Variants in NRROS observed in about 807,000 individuals in gnomAD.
The protein encoded by NRROS is negative regulator of reactive oxygen species, also known as transforming growth factor beta activator LRRC33.
A neutral mutation model predicts 12.0 loss-of-function variants in NRROS; 6 were observed. That is an observed-to-expected ratio of 0.50 (90% CI 0.27 to 0.98). The LOEUF is 0.98. Among genes scored for constraint, NRROS ranks in the 50% least tolerant of loss-of-function variants. NRROS has a pLI of 0.11. For synonymous variants in NRROS, 462 were observed against 410.2 expected, an observed-to-expected ratio of 1.13 and a Z score of -1.53; for missense variants, 857 against 888.2, an observed-to-expected ratio of 0.96 and a Z score of 0.45.
intron 1 of NRROS, among the ~76,000 whole-genome samples, chr3:196,647,907 G>A (rs1737342479): frequency 2.6e-5 from 4 of 152,172 alleles, no homozygotes; most frequent in African/African-American, 7.2e-5. Flanking sequence ...TCTCTATGTT[G>A]GCCAGGCTGG....
rs756252662 is a variant in NRROS, at chr3:196,654,701, G to C, written c.108+54G>C. The stretch of plus-strand genomic sequence containing the variant: ...GGCTGCTCCTGTCCTGACAAGGCTT[G>C]GTCCATTTGGAAAGCTGACAGATTG... On this transcript the variant is annotated intron_variant, in intron 2 of 2. Coordinates refer to ENST00000328557, the MANE Select transcript of NRROS (RefSeq NM_198565.3). This position sits in a 1 kb window ranked among gnomAD's most constrained non-coding sequence, Gnocchi z 4.4. 5 of 1,122,326 alleles carry C rather than the reference G, an allele frequency of 4.5e-6. No individual in the cohort carries two copies. The African/African-American group carries it at 7.7e-5, about 17-fold the overall frequency. 69.5% of individuals were successfully genotyped at this position (1,122,326 alleles called of 1,614,324 possible).
intron 2 of NRROS, among the ~76,000 whole-genome samples, chr3:196,656,051 G>A (rs1737532066): frequency 6.6e-6 from 1 of 152,074 alleles, no homozygotes; most frequent in Admixed American, 6.6e-5. Flanking sequence ...CATGCTTGTA[G>A]TCCCAGCTAC....
In NRROS at chr3:196,660,522, C is replaced by G. The variant is rs887445431; in HGVS notation, c.879C>G (p.Thr293=). Residue 293 remains threonine, a synonymous_variant, in exon 3 of 3, where the codon ACC becomes ACG. Transcript: ENST00000328557. The surrounding 1 kb of genome is among the most constrained non-coding windows in gnomAD (Gnocchi z 7.7). ...NMGFYRDLYN[T]SSPREMVAQF... ...GCTTCTACCGGGACCTGTACAACAC[C>G]TCGTCGCCGAGGGAGATGGTGGCCC... The G allele has an allele frequency of 1.9e-5, 30 of 1,614,196 alleles. No individual in the cohort carries two copies. Among genetic ancestry groups the G allele is most frequent in the Non-Finnish European group, 2.4e-5 (28 of 1,180,040 alleles).
chr3:196,645,908 C>A (rs760136170), intron 1 of NRROS, among the ~76,000 whole-genome samples: 1 of 152,214 alleles, frequency 6.6e-6, no homozygotes, highest in Non-Finnish European at 1.5e-5. Context: ...TCCCTCAACA[C>A]CAGCTTGCTG....
At chr3:196,648,766 CAA>C (rs34359599) in intron 1 of NRROS, among the ~76,000 whole-genome samples, 7,733 of 74,594 alleles carry the variant, frequency 0.1, 199 homozygotes, top group Middle Eastern at 0.19. Flanking sequence ...AACTCCATCT[CAA>C]AAAAAAAAAA....
At chr3:196,653,357 G>A (rs1296146204) in intron 1 of NRROS, among the ~76,000 whole-genome samples, 1 of 152,206 alleles carries the variant, frequency 6.6e-6, no homozygotes, top group Non-Finnish European at 1.5e-5. Context: ...TGATCAAGAA[G>A]GTAAAATGAG....
intron 2 of NRROS, among the ~76,000 whole-genome samples, chr3:196,658,826 T>C (rs544038349): frequency 2.5e-4 from 38 of 152,102 alleles, no homozygotes; most frequent in South Asian, 1.9e-3. Context: ...AAAAGTTAGC[T>C]GGGCGTGGTG....
rs1228650976 is a variant in NRROS at position 196,654,223 on chromosome 3, G to T, written c.-13-304G>T. Among the ~76,000 whole-genome samples, 1 of 152,220 alleles carries T rather than the reference G, an allele frequency of 6.6e-6. No homozygotes were observed. Among genetic ancestry groups the T allele is most frequent in the Non-Finnish European group, 1.5e-5 (1 of 68,038 alleles). ...TATGGGAAACTCCAGGTGACTGGAG[G>T]CCTGGTTACTCAAGCTTTTTGCTTC... On this transcript the variant is annotated intron_variant, in intron 1 of 2. Transcript: ENST00000328557. The surrounding 1 kb of genome is among the most constrained non-coding windows in gnomAD (Gnocchi z 4.4).
chr3:196,654,701 G>T lies in NRROS; in HGVS notation c.108+54G>T, dbSNP rs756252662. 3.5e-5 allele frequency: 39 copies of T among 1,122,326 alleles called. No homozygotes were observed. Among genetic ancestry groups the T allele is most frequent in the Admixed American group, 1.0e-4 (5 of 49,046 alleles). 69.5% of individuals were successfully genotyped at this position (1,122,326 alleles called of 1,614,324 possible). A position where few individuals can be genotyped will look rare whatever the true frequency, so the allele number is the denominator to read the frequency against. On this transcript the variant is annotated intron_variant, in intron 2 of 2. Transcript: ENST00000328557. The surrounding 1 kb of genome is among the most constrained non-coding windows in gnomAD (Gnocchi z 4.4). ...GGCTGCTCCTGTCCTGACAAGGCTT[G>T]GTCCATTTGGAAAGCTGACAGATTG...
Position 196,661,459 on chromosome 3 carries a change from G to C in NRROS, c.1816G>C (p.Ala606Pro), listed in dbSNP as rs1560057313. 1 of 1,599,126 alleles carries C rather than the reference G, an allele frequency of 6.3e-7. No homozygotes were observed. Among genetic ancestry groups the C allele is most frequent in the South Asian group, 1.1e-5 (1 of 88,782 alleles). ...CTGCTGTGGGGTGGATGGCTGGGGG[G>C]CCCTGCAGCATGGGCAGACGGTGGC... is the stretch of plus-strand genomic sequence containing the variant. ...YDCCGVDGWG[A>P]LQHGQTVADW... The change falls in exon 3 of 3, where the codon GCC (alanine) becomes CCC (proline). Residue 606 changes from alanine to proline, a missense_variant. Coordinates refer to ENST00000328557, the MANE Select transcript of NRROS (RefSeq NM_198565.3).
In NRROS at chr3:196,654,835, G is replaced by A. The variant is rs1431278157; in HGVS notation, c.108+188G>A. ...CACAGGATTTTAAGATGCTTCCTGG[G>A]AAGAGCCAGGCAGTCCCTGCCCCGC... is the stretch of plus-strand genomic sequence containing the variant. On this transcript the variant is annotated intron_variant, in intron 2 of 2. Transcript: ENST00000328557. This position sits in a 1 kb window ranked among gnomAD's most constrained non-coding sequence, Gnocchi z 4.4. 5 of 567,942 alleles carry A rather than the reference G, an allele frequency of 8.8e-6. No individual in the cohort carries two copies. In the Admixed American group the frequency reaches 1.3e-4, roughly 14 times the overall value. 35.2% of individuals were successfully genotyped at this position (567,942 alleles called of 1,614,324 possible). A position where few individuals can be genotyped will look rare whatever the true frequency, so the allele number is the denominator to read the frequency against.
chr3:196,658,111 C>T (rs766892135), intron 2 of NRROS, among the ~76,000 whole-genome samples: 2 of 152,224 alleles, frequency 1.3e-5, no homozygotes, highest in Non-Finnish European at 2.9e-5. Flanking sequence ...TTGCTCTCAG[C>T]CACTGTGCTA....
At chr3:196,656,121 C>G (rs1220110030) in intron 2 of NRROS, among the ~76,000 whole-genome samples, 1 of 151,974 alleles carries the variant, frequency 6.6e-6, no homozygotes, top group Non-Finnish European at 1.5e-5. Flanking sequence ...GAGCTGACAT[C>G]GTGCCACTGC....
Position 196,660,896 on chromosome 3 carries a change from C to T in NRROS, c.1253C>T (p.Pro418Leu). Reference sequence around the variant, plus strand: ...AGCTCCAACCAGCTCCTGGGCGTCCCCCCTGGCCTCTTCGCCAATGCTAGG... The same window carrying T: ...AGCTCCAACCAGCTCCTGGGCGTCCTCCCTGGCCTCTTCGCCAATGCTAGG... ...NLSSNQLLGV[P>L]PGLFANARNI... Residue 418 changes from proline (P) to leucine (L), a missense_variant, in exon 3 of 3, where the codon CCC becomes CTC. Coordinates refer to ENST00000328557, the MANE Select transcript of NRROS (RefSeq NM_198565.3). The surrounding 1 kb of genome is among the most constrained non-coding windows in gnomAD (Gnocchi z 7.7). 1 of 1,614,176 alleles carries T rather than the reference C, an allele frequency of 6.2e-7. No homozygotes were observed. Among genetic ancestry groups the T allele is most frequent in the Non-Finnish European group, 8.5e-7 (1 of 1,180,056 alleles).
At chr3:196,647,850 C>G (rs144281087) in intron 1 of NRROS, among the ~76,000 whole-genome samples, 1 of 151,890 alleles carries the variant, frequency 6.6e-6, no homozygotes, top group African/African-American at 2.4e-5. Flanking sequence ...TGAGCCACTG[C>G]GCCCAGCCAC....
rs1737494103 is a variant in NRROS, at chr3:196,654,486, GT to G, written c.-13-40del. 3.4e-6 allele frequency: 4 copies of G among 1,172,048 alleles called. No homozygotes were observed. In the Admixed American group the frequency reaches 6.7e-5, roughly 20 times the overall value. 72.6% of individuals were successfully genotyped at this position (1,172,048 alleles called of 1,614,324 possible). ...GATAATACAAACAGCCCTCTGGGAT[GT>G]CCTTCTCTGACTTACCTCTTCCCTG... On this transcript the variant is annotated intron_variant, in intron 1 of 2. Transcript: ENST00000328557. This position sits in a 1 kb window ranked among gnomAD's most constrained non-coding sequence, Gnocchi z 4.4.
chr3:196,660,393 C>T lies in NRROS; in HGVS notation c.750C>T (p.Phe250=), dbSNP rs1737643423. 2.5e-6 allele frequency: 4 copies of T among 1,613,820 alleles called. No homozygotes were observed. The highest frequency in any genetic ancestry group is 2.2e-5 in the East Asian group (1 of 44,894). Residue 250 remains phenylalanine, a synonymous_variant, in exon 3 of 3, where the codon TTC becomes TTT. Coordinates refer to ENST00000328557, the MANE Select transcript of NRROS (RefSeq NM_198565.3). The surrounding 1 kb of genome is among the most constrained non-coding windows in gnomAD (Gnocchi z 7.7). The part of the protein sequence containing the change: ...WFLATGGEAA[F]ELETLDLSHN... ...TCGCGACCGGGGGAGAGGCTGCCTT[C>T]GAGCTGGAGACGCTGGACCTGTCTC...
At chr3:196,653,584 G>A (rs975038067) in intron 1 of NRROS, among the ~76,000 whole-genome samples, 29 of 152,350 alleles carry the variant, frequency 1.9e-4, no homozygotes, top group East Asian at 9.7e-4. Flanking sequence ...TGCACTGGGC[G>A]TCAGGTCCCC....
rs111822102 is a variant in NRROS at position 196,660,250 on chromosome 3, G to A, written c.607G>A (p.Gly203Ser). The A allele has an allele frequency of 8.2e-5, 133 of 1,613,786 alleles. 1 individual carries two copies. The African/African-American group carries it at 1.3e-3, about 16-fold the overall frequency. The change falls in exon 3 of 3, where the codon GGC (glycine) becomes AGC (serine). Residue 203 changes from glycine (G) to serine (S), a missense_variant. Transcript: ENST00000328557. This position sits in a 1 kb window ranked among gnomAD's most constrained non-coding sequence, Gnocchi z 7.7. ...IFEIEGGAFD[G>S]LAELRHLNLA... ...CGAGATCGAGGGCGGCGCTTTCGAC[G>A]GCCTGGCTGAGCTGAGGCACCTCAA...
Sources: allele counts gnomAD v4.1 joint callset (sites outside exome capture counted in the v4.1 genomes callset), GRCh38; gene constraint gnomAD v4.1.1; non-coding constraint Gnocchi (gnomAD v3.1); transcripts MANE v1.5; gene names NCBI Gene and HGNC (gene_info 2026-07-23, HGNC 2026-07-21).